Variants in SKIC3 observed in about 807,000 individuals in gnomAD.
SKIC3 encodes SKI3 subunit of superkiller complex, also known as superkiller complex protein 3.
At chr5:95,521,873 A>G in the SKIC3 span, among the ~76,000 whole-genome samples, 16 of 152,104 alleles carry the variant, frequency 1.1e-4, no homozygotes, top group African/African-American at 3.6e-4. Flanking sequence ...CTTGTGAAAC[A>G]AGATTTGATC....
the SKIC3 span, chr5:95,528,757 A>C: frequency 2.1e-6 from 1 of 484,334 alleles, no homozygotes. Context: ...CCCAAGCCTA[A>C]ACTGACTATG....
chr5:95,525,706 C>A, the SKIC3 span: 1 of 1,588,716 alleles, frequency 6.3e-7, no homozygotes, highest in Non-Finnish European at 8.6e-7. Flanking sequence ...TGCTATAAAT[C>A]TCCTTCAACA....
chr5:95,535,413 C>A, the SKIC3 span, among the ~76,000 whole-genome samples: 1 of 150,602 alleles, frequency 6.6e-6, no homozygotes, highest in Non-Finnish European at 1.5e-5. Flanking sequence ...CGGGTTCACG[C>A]GATTCTCCTG....
At chr5:95,525,333 G>T in the SKIC3 span, 2 of 1,450,736 alleles carry the variant, frequency 1.4e-6, no homozygotes, top group South Asian at 1.2e-5. Context: ...TACTCATTTT[G>T]AATTTTTCAG....
At chr5:95,496,295 G>A in the SKIC3 span, among the ~76,000 whole-genome samples, 1 of 152,162 alleles carries the variant, frequency 6.6e-6, no homozygotes, top group African/African-American at 2.4e-5. Flanking sequence ...TGGGATTATA[G>A]CCATGAGCCA....
At chr5:95,487,217 G>A in the SKIC3 span, among the ~76,000 whole-genome samples, 1 of 152,170 alleles carries the variant, frequency 6.6e-6, no homozygotes, top group Non-Finnish European at 1.5e-5. Context: ...TGGGGGCTGG[G>A]ACTGGCTCTC....
chr5:95,488,328 G>A, the SKIC3 span, among the ~76,000 whole-genome samples: 4 of 152,012 alleles, frequency 2.6e-5, no homozygotes, highest in African/African-American at 7.2e-5. Flanking sequence ...ACATGAGGAG[G>A]CTTAGAGATG....
chr5:95,521,946 C>T, the SKIC3 span: 11 of 1,426,786 alleles, frequency 7.7e-6, no homozygotes, highest in Non-Finnish European at 1.1e-5. Context: ...TTGCTGTTGA[C>T]TAAAGAAGTC....
the SKIC3 span, among the ~76,000 whole-genome samples, chr5:95,511,407 C>T: frequency 5.1e-4 from 78 of 152,172 alleles, no homozygotes; most frequent in South Asian, 0.015. Context: ...AGCGAGACTC[C>T]GTCTCAAAAA....
the SKIC3 span, among the ~76,000 whole-genome samples, chr5:95,499,034 C>T: frequency 3.1e-3 from 475 of 152,222 alleles, 4 homozygotes; most frequent in African/African-American, 0.011. Context: ...AATATAAAAG[C>T]AAATTTCTTG....
chr5:95,529,869 A>G, the SKIC3 span, among the ~76,000 whole-genome samples: 1 of 151,396 alleles, frequency 6.6e-6, no homozygotes, highest in Admixed American at 6.6e-5. Flanking sequence ...CTATTTTACA[A>G]ATGAAAACAC....
chr5:95,537,716 T>C, the SKIC3 span, among the ~76,000 whole-genome samples: 2 of 152,154 alleles, frequency 1.3e-5, no homozygotes, highest in Non-Finnish European at 2.9e-5. Flanking sequence ...ACAGGCCTTC[T>C]AAATATGTCT....
the SKIC3 span, among the ~76,000 whole-genome samples, chr5:95,521,719 G>A: frequency 1.3e-5 from 2 of 152,162 alleles, no homozygotes; most frequent in East Asian, 3.9e-4. Flanking sequence ...GTAATTAAAG[G>A]TATTAAGATA....
the SKIC3 span, among the ~76,000 whole-genome samples, chr5:95,507,685 T>G: frequency 6.6e-6 from 1 of 152,188 alleles, no homozygotes; most frequent in Non-Finnish European, 1.5e-5. Context: ...TGATGTTGCA[T>G]GAAAAACAAG....
chr5:95,464,316 C>A, the SKIC3 span: 1 of 355,462 alleles, frequency 2.8e-6, no homozygotes, highest in Non-Finnish European at 5.2e-6. Flanking sequence ...TATTGTGCAC[C>A]ATGCAAGATG....
At chr5:95,525,470 T>C in the SKIC3 span, 1 of 1,613,966 alleles carries the variant, frequency 6.2e-7, no homozygotes. Context: ...TTCAGCTAGG[T>C]CAGGGTAAGA....
At chr5:95,469,719 T>C in the SKIC3 span, 2 of 1,604,888 alleles carry the variant, frequency 1.2e-6, no homozygotes, top group Non-Finnish European at 1.7e-6. Flanking sequence ...TCCTTGATTA[T>C]TTCCTAGAAA....
the SKIC3 span, among the ~76,000 whole-genome samples, chr5:95,505,188 C>A: frequency 6.6e-6 from 1 of 152,096 alleles, no homozygotes; most frequent in Non-Finnish European, 1.5e-5. Flanking sequence ...ATCACTATAA[C>A]CTGAATCTGT....
At chr5:95,545,824 C>A in the SKIC3 span, among the ~76,000 whole-genome samples, 1 of 152,116 alleles carries the variant, frequency 6.6e-6, no homozygotes, top group African/African-American at 2.4e-5. Context: ...TCTTTTCCAC[C>A]TCAGTGCCTG....
Sources: allele counts gnomAD v4.1 joint callset (sites outside exome capture counted in the v4.1 genomes callset), GRCh38; gene constraint gnomAD v4.1.1; transcripts MANE v1.5; gene names NCBI Gene and HGNC (gene_info 2026-07-23, HGNC 2026-07-21).